LHCGR: variants seen among roughly 807,000 people sequenced by gnomAD.
LHCGR encodes lutropin-choriogonadotropic hormone receptor.
Under a neutral mutation model 60.7 loss-of-function variants are expected in LHCGR, and 55 were observed. The observed-to-expected ratio is 0.91, with a 90% CI of 0.73 to 1.13. The LOEUF (loss-of-function observed/expected upper bound fraction) is 1.13. Among genes scored for constraint, LHCGR ranks in the 50% most tolerant of loss-of-function variants. LHCGR has a pLI of 0.00. For missense variants in LHCGR, 862 were observed against 836.0 expected (o/e 1.03, Z -0.38); for synonymous variants, 337 against 316.5 (o/e 1.06, Z -0.69).
chr2:48,731,732 T>C (rs574566848), intron 1 of LHCGR, among the ~76,000 whole-genome samples: 9 of 152,186 alleles, frequency 5.9e-5, no homozygotes, highest in Non-Finnish European at 1.3e-4. Context: ...GTTAAATAGT[T>C]GTAGAGTGAT....
Position 48,707,342 on chromosome 2 carries a change from G to A in LHCGR, c.680+1606C>T, listed in dbSNP as rs149176481. ...TGAGGTGGTTGTCAGCCCCTACTGGGATGCGTCTCCCAGTCAAGCTACATG... is the reference window on the plus strand; with the variant it reads ...TGAGGTGGTTGTCAGCCCCTACTGGAATGCGTCTCCCAGTCAAGCTACATG... On this transcript the variant is annotated intron_variant, in intron 8 of 10. Coordinates refer to ENST00000294954, the MANE Select transcript of LHCGR (RefSeq NM_000233.4). 7.8e-3 allele frequency among the ~76,000 whole-genome samples: 1,184 copies of A among 152,366 alleles called. 8 individuals are homozygous for A. The highest frequency in any genetic ancestry group is 0.017 in the Middle Eastern group (5 of 294).
intron 1 of LHCGR, among the ~76,000 whole-genome samples, chr2:48,737,676 G>A (rs1284196338): frequency 6.6e-6 from 1 of 152,234 alleles, no homozygotes; most frequent in South Asian, 2.1e-4. Flanking sequence ...TGAGGCTTCA[G>A]TGTTAACTGA....
At chr2:48,746,948 G>A (rs996786063) in intron 1 of LHCGR, among the ~76,000 whole-genome samples, 4 of 151,998 alleles carry the variant, frequency 2.6e-5, no homozygotes, top group African/African-American at 9.7e-5. Flanking sequence ...CCAAGGCAGT[G>A]ACATTGCAGA....
chr2:48,688,517 T>C lies in LHCGR; in HGVS notation c.1280A>G (p.Tyr427Cys), dbSNP rs1680024209. 6.2e-7 allele frequency: 1 copy of C among 1,614,158 alleles called. No individual in the cohort carries two copies. The highest frequency in any genetic ancestry group is 1.1e-5 in the South Asian group (1 of 91,074). Residue 427 changes from tyrosine to cysteine, a missense_variant, in exon 11 of 11, where the codon TAT (tyrosine) becomes TGT (cysteine). Transcript: ENST00000294954. This position sits in a 1 kb window ranked among gnomAD's most constrained non-coding sequence, Gnocchi z 5.2. ...SVDSQTKGQY[Y>C]NHAIDWQTGS... ...TGTCTGCCAGTCTATGGCATGGTTATAGTACTGGCCCTTGGTTTGGGAATC... is the reference window on the plus strand; with the variant it reads ...TGTCTGCCAGTCTATGGCATGGTTACAGTACTGGCCCTTGGTTTGGGAATC...
At chr2:48,701,323 C>T (rs1306530215) in intron 8 of LHCGR, among the ~76,000 whole-genome samples, 1 of 152,060 alleles carries the variant, frequency 6.6e-6, no homozygotes, top group Non-Finnish European at 1.5e-5. Flanking sequence ...ATATAAGTGA[C>T]CACAGGCCCC....
chr2:48,701,564 A>T (rs1269805324), intron 8 of LHCGR, among the ~76,000 whole-genome samples: 1 of 152,156 alleles, frequency 6.6e-6, no homozygotes, highest in Non-Finnish European at 1.5e-5. Context: ...TTTTCAGGAT[A>T]GTCTTCCCTC....
chr2:48,697,174 T>G (rs1404056), intron 9 of LHCGR, among the ~76,000 whole-genome samples: 150,109 of 152,234 alleles, frequency 0.99, 74,019 homozygotes, highest in East Asian at 1. Context: ...TCTTGCCTTT[T>G]TGTCTTCACA....
intron 9 of LHCGR, among the ~76,000 whole-genome samples, chr2:48,698,074 T>A (rs908361672): frequency 1.3e-5 from 2 of 152,192 alleles, no homozygotes; most frequent in African/African-American, 4.8e-5. Flanking sequence ...CACTACTGGA[T>A]GCAAACCATG....
chr2:48,699,691 A>G (rs544857256), intron 8 of LHCGR, among the ~76,000 whole-genome samples: 3 of 152,354 alleles, frequency 2.0e-5, no homozygotes, highest in South Asian at 4.1e-4. Context: ...TGCATTCTCT[A>G]ATGCAGAATG....
At chr2:48,696,298 A>G (rs566195684) in intron 9 of LHCGR, among the ~76,000 whole-genome samples, 4 of 152,244 alleles carry the variant, frequency 2.6e-5, no homozygotes, top group African/African-American at 7.2e-5. Context: ...GCATTCATTA[A>G]GAATTTGGAC....
At chr2:48,704,182 G>A (rs916092392) in intron 8 of LHCGR, among the ~76,000 whole-genome samples, 1 of 152,122 alleles carries the variant, frequency 6.6e-6, no homozygotes, top group African/African-American at 2.4e-5. Context: ...TTTATGTGAT[G>A]GATTACATTT....
chr2:48,689,215 T>C (rs1680081646), intron 10 of LHCGR, among the ~76,000 whole-genome samples: 1 of 151,718 alleles, frequency 6.6e-6, no homozygotes, highest in African/African-American at 2.4e-5. Context: ...TACATATATA[T>C]ATAACATTGA....
At position 48,743,822 on chromosome 2, in the gene LHCGR, T is replaced by C. The variant is rs1487491339; in HGVS notation, c.161+11689A>G. On this transcript the variant is annotated intron_variant, in intron 1 of 10. Transcript: ENST00000294954. The stretch of plus-strand genomic sequence containing the variant: ...CCTCTCTCACCACTCCTATTCAACA[T>C]AGTGGTGGAAGTTCTGGCCAGGGCA... Among the ~76,000 whole-genome samples, 5 of 152,120 alleles carry C rather than the reference T, an allele frequency of 3.3e-5. No individual in the cohort carries two copies. The East Asian group carries it at 9.6e-4, about 29-fold the overall frequency.
intron 1 of LHCGR, among the ~76,000 whole-genome samples, chr2:48,739,589 G>A (rs539794366): frequency 1.7e-4 from 26 of 151,666 alleles, no homozygotes; most frequent in African/African-American, 4.6e-4. Flanking sequence ...GCATGTTCTC[G>A]CTCATAGGTG....
chr2:48,738,391 T>G (rs916315435), intron 1 of LHCGR, among the ~76,000 whole-genome samples: 2 of 152,210 alleles, frequency 1.3e-5, no homozygotes, highest in Non-Finnish European at 2.9e-5. Context: ...TGGCCATTCT[T>G]TTCTCCACCT....
chr2:48,705,643 A>G (rs550041954), intron 8 of LHCGR, among the ~76,000 whole-genome samples: 77 of 152,138 alleles, frequency 5.1e-4, no homozygotes, highest in African/African-American at 1.7e-3. Flanking sequence ...ACCATTATGT[A>G]ATGGCCTTCT....
At chr2:48,713,161 C>T (rs4516485) in intron 7 of LHCGR, among the ~76,000 whole-genome samples, 75,729 of 151,992 alleles carry the variant, frequency 0.5, 19,372 homozygotes, top group African/African-American at 0.56. Context: ...GCAGATTCTT[C>T]GTAGGTGTGT....
chr2:48,716,126 A>C (rs1668239750), intron 6 of LHCGR, among the ~76,000 whole-genome samples: 1 of 151,980 alleles, frequency 6.6e-6, no homozygotes, highest in South Asian at 2.1e-4. Context: ...CAGAATCTGA[A>C]GCATGTTTCT....
intron 10 of LHCGR, among the ~76,000 whole-genome samples, chr2:48,692,024 C>G (rs1185409298): frequency 5.3e-5 from 8 of 152,080 alleles, no homozygotes; most frequent in Non-Finnish European, 1.0e-4. Context: ...TAACTTCACT[C>G]TCTCTCATTG....
Sources: allele counts gnomAD v4.1 joint callset (sites outside exome capture counted in the v4.1 genomes callset), GRCh38; gene constraint gnomAD v4.1.1; non-coding constraint Gnocchi (gnomAD v3.1); transcripts MANE v1.5; gene names NCBI Gene and HGNC (gene_info 2026-07-23, HGNC 2026-07-21).